PCDH15: variants seen among roughly 807,000 people sequenced by gnomAD.
The protein encoded by PCDH15 is protocadherin-15.
PCDH15 carries 129 observed loss-of-function variants against 178.5 expected under a neutral mutation model. The observed-to-expected ratio is 0.72, with a 90% CI of 0.63 to 0.84. The LOEUF is 0.84. Ranked by LOEUF, PCDH15 falls within the 40% of genes least tolerant of loss-of-function variation. The pLI is 0.00. For missense variants in PCDH15, 2,230 were observed against 2,099.9 expected (o/e 1.06, Z -1.21); for synonymous variants, 800 against 732.0 (o/e 1.09, Z -1.50).
intron 15 of PCDH15, among the ~76,000 whole-genome samples, chr10:54,094,044 C>A (rs2094650463): frequency 6.6e-6 from 1 of 152,136 alleles, no homozygotes; most frequent in Admixed American, 6.6e-5. Context: ...TTGAGTTTAA[C>A]GGGGGAGATT....
At chr10:53,934,043 G>A (rs1589497923) in intron 25 of PCDH15, among the ~76,000 whole-genome samples, 2 of 152,076 alleles carry the variant, frequency 1.3e-5, no homozygotes, top group East Asian at 1.9e-4. Context: ...TTGTAAATTT[G>A]TTTGAGTTCA....
At chr10:54,506,768 C>T (rs1203492112) in intron 3 of PCDH15, among the ~76,000 whole-genome samples, 1 of 151,762 alleles carries the variant, frequency 6.6e-6, no homozygotes, top group Non-Finnish European at 1.5e-5. Context: ...TATTCCGCAG[C>T]TTTACTTTCA....
intron 1 of PCDH15, among the ~76,000 whole-genome samples, chr10:55,280,838 C>A (rs1341776352): frequency 1.3e-5 from 2 of 152,094 alleles, no homozygotes; most frequent in Non-Finnish European, 2.9e-5. Context: ...CAATATTAAA[C>A]CATGTGCTAT....
intron 8 of PCDH15, among the ~76,000 whole-genome samples, chr10:54,277,337 T>A (rs1413163917): frequency 6.6e-6 from 1 of 151,512 alleles, no homozygotes; most frequent in Non-Finnish European, 1.5e-5. Context: ...AAAGCAACTA[T>A]AACTAAAGCT....
Position 54,133,004 on chromosome 10 carries a change from G to C in PCDH15, c.1788C>G (p.Asn596Lys). ...CTTCAATATACACAGTGCAGATGGA[G>C]TTCCTGCAGAGAAAGAGAGGAAAAG... ...ADNAPPAERR[N>K]SICTVYIEVL... Residue 596 changes from asparagine (N) to lysine (K), a missense_variant, in exon 15 of 38, where the codon AAC (asparagine) becomes AAG (lysine). Asn to Lys is a moderately conservative substitution (Grantham distance 94). Transcript: ENST00000644397. 1 of 1,614,028 alleles carries C rather than the reference G, an allele frequency of 6.2e-7. No homozygotes were observed. The highest frequency in any genetic ancestry group is 2.2e-5 in the East Asian group (1 of 44,836).
chr10:54,085,059 T>C (rs2094495271), intron 16 of PCDH15, among the ~76,000 whole-genome samples: 1 of 152,150 alleles, frequency 6.6e-6, no homozygotes, highest in Non-Finnish European at 1.5e-5. Context: ...GATGGTGGCA[T>C]GAACTAAGGT....
At chr10:55,623,672 C>T (rs545335859) in intron 2 of PCDH15, among the ~76,000 whole-genome samples, 1 of 150,658 alleles carries the variant, frequency 6.6e-6, no homozygotes, top group African/African-American at 2.4e-5. Context: ...TGATTTTCAT[C>T]AGAGCACAGA....
rs539993049 is a variant in PCDH15 at position 55,127,670 on chromosome 10, C to A, written c.-80+38906G>T. On this transcript the variant is annotated intron_variant, in intron 2 of 5. Coordinates refer to the PCDH15 transcript ENST00000458638. ...AATTTACAGTGTAGATATGTATGCT[C>A]TGGATTCTCTTGCATGCAGATTAAA... is the stretch of plus-strand genomic sequence containing the variant. Among the ~76,000 whole-genome samples, 12 of 152,144 alleles carry A rather than the reference C, an allele frequency of 7.9e-5. No homozygotes were observed. The South Asian group carries it at 2.5e-3, about 32-fold the overall frequency.
chr10:55,237,801 T>A (rs977048752), intron 1 of PCDH15, among the ~76,000 whole-genome samples: 3 of 151,974 alleles, frequency 2.0e-5, no homozygotes, highest in Non-Finnish European at 2.9e-5. Context: ...TGTAGATATT[T>A]AAGAAATATT....
intron 2 of PCDH15, among the ~76,000 whole-genome samples, chr10:55,363,475 T>C (rs1490522754): frequency 6.6e-6 from 1 of 152,168 alleles, no homozygotes; most frequent in Admixed American, 6.5e-5. Flanking sequence ...TATGTTTTGT[T>C]TAGCTTCATT....
chr10:53,850,402 A>T (rs1252088250), intron 28 of PCDH15, among the ~76,000 whole-genome samples: 3 of 151,984 alleles, frequency 2.0e-5, no homozygotes, highest in Non-Finnish European at 4.4e-5. Flanking sequence ...TTTAATCATA[A>T]TTAACCTAAT....
chr10:54,669,386 T>C (rs1468615439), intron 1 of PCDH15, among the ~76,000 whole-genome samples: 1 of 151,112 alleles, frequency 6.6e-6, no homozygotes, highest in Non-Finnish European at 1.5e-5. Flanking sequence ...TAAAAATATA[T>C]TGATATTTAT....
intron 2 of PCDH15, among the ~76,000 whole-genome samples, chr10:55,427,251 TTA>T (rs1384060189): frequency 2.0e-5 from 3 of 152,130 alleles, no homozygotes; most frequent in Non-Finnish European, 4.4e-5. Flanking sequence ...TTTAAATAGT[TTA>T]TAAGACTCTC....
intron 1 of PCDH15, among the ~76,000 whole-genome samples, chr10:54,792,436 G>A (rs548918618): frequency 1.1e-4 from 17 of 152,018 alleles, no homozygotes; most frequent in Non-Finnish European, 1.8e-4. Flanking sequence ...TAAGATACCC[G>A]AATACTTGGT....
chr10:55,310,194 A>C (rs1392717749), intron 1 of PCDH15, among the ~76,000 whole-genome samples: 1 of 151,970 alleles, frequency 6.6e-6, no homozygotes, highest in Non-Finnish European at 1.5e-5. Context: ...TCCTTTATTT[A>C]TTTCTTATAA....
chr10:55,557,815 G>A (rs565803387), intron 2 of PCDH15, among the ~76,000 whole-genome samples: 7 of 152,070 alleles, frequency 4.6e-5, no homozygotes, highest in Non-Finnish European at 8.8e-5. Context: ...GGAAAGAACC[G>A]AGGTAAGAAA....
At chr10:55,529,151 C>T (rs374466071) in intron 2 of PCDH15, among the ~76,000 whole-genome samples, 2 of 152,020 alleles carry the variant, frequency 1.3e-5, no homozygotes, top group African/African-American at 4.8e-5. Context: ...GAGTAGATTG[C>T]AAAAATTTTC....
chr10:55,290,835 G>T (rs1842989764), intron 1 of PCDH15, among the ~76,000 whole-genome samples: 1 of 152,022 alleles, frequency 6.6e-6, no homozygotes, highest in South Asian at 2.1e-4. Context: ...GAAAAGGTAT[G>T]TTGAAAGAAA....
At chr10:54,599,309 G>A (rs575980519) in intron 2 of PCDH15, among the ~76,000 whole-genome samples, 1 of 152,024 alleles carries the variant, frequency 6.6e-6, no homozygotes, top group Non-Finnish European at 1.5e-5. Context: ...AAGAACATAT[G>A]CATAGACCAA....
Sources: gnomAD v4.1 joint callset for allele counts (sites outside exome capture counted in the v4.1 genomes callset) on GRCh38, gnomAD v4.1.1 for gene constraint, MANE v1.5 for transcripts, NCBI Gene and HGNC (gene_info 2026-07-23, HGNC 2026-07-21) for gene names.